Variants in ZNF248 observed in about 807,000 individuals in gnomAD.
ZNF248 encodes KRAB protein domain.
ZNF248 carries 20 observed loss-of-function variants against 44.3 expected under a neutral mutation model. That is an observed-to-expected ratio of 0.45 (90% confidence interval 0.32 to 0.66). The LOEUF is 0.66. ZNF248 is among the 30% of genes least tolerant of loss of function. ZNF248 has a pLI of 0.04. For synonymous variants in ZNF248, 224 were observed against 229.0 expected (o/e 0.98, Z 0.20); for missense variants, 654 against 677.0 (o/e 0.97, Z 0.38).
intron 3 of ZNF248, among the ~76,000 whole-genome samples, chr10:37,841,934 T>C (rs1170397888): frequency 6.6e-6 from 1 of 152,174 alleles, no homozygotes; most frequent in African/African-American, 2.4e-5. Flanking sequence ...TCTGAGAAAC[T>C]GTCACAGCTA....
In ZNF248 at chr10:37,832,495, T is replaced by G; in HGVS notation, c.860A>C (p.His287Pro). ...KSFCMNLRFG[H>P]QRALTKDNPY... ...ATTGTCCTTTGTAAGAGCTCTCTGA[T>G]GTCCAAACCTTAAATTCATGCAGAA... The change falls in exon 6 of 6, where the codon CAT becomes CCT. Residue 287 changes from histidine to proline, a missense_variant. His to Pro is a moderately conservative substitution (Grantham distance 77). Coordinates refer to ENST00000395867, the MANE Select transcript of ZNF248 (RefSeq NM_021045.3). 1 of 1,613,976 alleles carries G rather than the reference T, an allele frequency of 6.2e-7. No individual in the cohort carries two copies. Among genetic ancestry groups the G allele is most frequent in the African/African-American group, 1.3e-5 (1 of 75,058 alleles).
At chr10:37,771,665 T>C (rs529565247), downstream of ZNF248, among the ~76,000 whole-genome samples, 1 of 151,200 alleles carries the variant, frequency 6.6e-6, no homozygotes, top group African/African-American at 2.4e-5. Flanking sequence ...AGGAGATATA[T>C]CTAATGCTAA....
intron 1 of ZNF248, chr10:37,856,760 T>C (rs2061366468): frequency 1.1e-5 from 11 of 976,652 alleles, no homozygotes; most frequent in South Asian, 4.7e-5. Context: ...TTAAAAATGT[T>C]TGTTCTAACT....
chr10:37,850,645 A>G (rs150840417), intron 3 of ZNF248, among the ~76,000 whole-genome samples: 24 of 152,274 alleles, frequency 1.6e-4, no homozygotes, highest in African/African-American at 5.8e-4. Context: ...GCCTACACAA[A>G]TATACTTAAG....
At chr10:37,760,842 A>C in the ZNF248 span, among the ~76,000 whole-genome samples, 2 of 152,218 alleles carry the variant, frequency 1.3e-5, no homozygotes, top group African/African-American at 4.8e-5. Flanking sequence ...CTTGGGGGAA[A>C]AAAAAGTATT....
intron 6 of ZNF248, among the ~76,000 whole-genome samples, chr10:37,779,245 C>T (rs1226819648): frequency 1.3e-5 from 2 of 152,192 alleles, no homozygotes; most frequent in African/African-American, 4.8e-5. Flanking sequence ...CCTTGATGAA[C>T]ATTGATGCTA....
At position 37,832,078 on chromosome 10, in the gene ZNF248, T is replaced by C. The variant is rs1280281752; in HGVS notation, c.1277A>G (p.His426Arg). The change falls in exon 6 of 6, where the codon CAT (histidine) becomes CGT (arginine). Residue 426 changes from histidine (H) to arginine (R), a missense_variant. By Grantham distance (29) the His-to-Arg change is conservative. Transcript: ENST00000395867. ...AFCQKPHLTN[H>R]QRTHTGEKPY... ...TTTTTCTCCTGTATGTGTTCGCTGA[T>C]GGTTGGTCAGGTGTGGTTTCTGGCA... The C allele has an allele frequency of 3.7e-6, 6 of 1,613,920 alleles. No homozygotes were observed. Among genetic ancestry groups the C allele is most frequent in the Non-Finnish European group, 5.1e-6 (6 of 1,179,954 alleles).
Position 37,829,590 on chromosome 10 carries a change from T to C in ZNF248, c.*2025A>G. 1 of 985,350 alleles carries C rather than the reference T, an allele frequency of 1.0e-6. No individual in the cohort carries two copies. The highest frequency in any genetic ancestry group is 1.2e-6 in the Non-Finnish European group (1 of 829,912). 61.0% of individuals were successfully genotyped at this position (985,350 alleles called of 1,614,324 possible). ...AACAGTTATTGAGGGTTATAAAAAG[T>C]CCCAGTAGAGAACAGGTATAGAGAG... On this transcript the variant is annotated 3_prime_UTR_variant, in exon 6 of 6. Coordinates refer to ENST00000395867, the MANE Select transcript of ZNF248 (RefSeq NM_021045.3).
rs1589433359 is a variant in ZNF248 at position 37,819,950 on chromosome 10, T to C, written c.330+13075A>G. 7 of 768,302 alleles carry C rather than the reference T, an allele frequency of 9.1e-6. No individual in the cohort carries two copies. In the East Asian group the frequency reaches 1.2e-4, roughly 13 times the overall value. 47.6% of individuals were successfully genotyped at this position (768,302 alleles called of 1,614,324 possible). A position where few individuals can be genotyped will look rare whatever the true frequency, so the allele number is the denominator to read the frequency against. ...GTAAACGAGGCCCCATGTCGGACAG[T>C]AGTAAAGCGGCCCCATCTCAAGCGG... is the stretch of plus-strand genomic sequence containing the variant. On this transcript the variant is annotated intron_variant, in intron 6 of 6. Transcript: ENST00000615949.
intron 3 of ZNF248, among the ~76,000 whole-genome samples, chr10:37,842,676 T>A (rs1482069826): frequency 2.6e-5 from 4 of 152,074 alleles, no homozygotes; most frequent in African/African-American, 9.7e-5. Flanking sequence ...AGAAAAAAAA[T>A]AGTCCTTGCT....
chr10:37,840,074 A>C (rs1490241960), intron 3 of ZNF248, among the ~76,000 whole-genome samples: 1 of 152,230 alleles, frequency 6.6e-6, no homozygotes, highest in African/African-American at 2.4e-5. Flanking sequence ...CCATACAAAT[A>C]ACCTATAGAT....
At chr10:37,828,619 C>T, downstream of ZNF248, 5 of 934,942 alleles carry the variant, frequency 5.3e-6, no homozygotes, top group Non-Finnish European at 6.4e-6. Context: ...AAATGCCACC[C>T]CGTGATCACA....
chr10:37,855,972 G>A (rs1186945330), intron 3 of ZNF248, among the ~76,000 whole-genome samples: 1 of 152,170 alleles, frequency 6.6e-6, no homozygotes, highest in Non-Finnish European at 1.5e-5. Context: ...TTGTTCTCCT[G>A]AAAAGCATAT....
intron 6 of ZNF248, among the ~76,000 whole-genome samples, chr10:37,804,998 AC>A (rs1433840514): frequency 6.6e-6 from 1 of 152,026 alleles, no homozygotes; most frequent in African/African-American, 2.4e-5. Context: ...TCTGTGTTCC[AC>A]TCCTAAAAGA....
Position 37,843,842 on chromosome 10 carries a change from A to T in ZNF248, c.16-5731T>A, listed in dbSNP as rs775220360. On this transcript the variant is annotated intron_variant, in intron 3 of 5. Coordinates refer to ENST00000395867, the MANE Select transcript of ZNF248 (RefSeq NM_021045.3). ...AGAATCATGAATTGGAGAATATAAA[A>T]ATTGAAGTAATCTGGTATGAGGAGC... Among the ~76,000 whole-genome samples the T allele has an allele frequency of 6.6e-5, 10 of 152,308 alleles. No homozygotes were observed. In the South Asian group the frequency reaches 1.2e-3, roughly 19 times the overall value.
intron 6 of ZNF248, among the ~76,000 whole-genome samples, chr10:37,805,698 T>C (rs928166500): frequency 2.6e-5 from 4 of 152,184 alleles, no homozygotes; most frequent in African/African-American, 2.4e-5. Context: ...TCAATGTGCA[T>C]GATGGAGCCA....
intron 6 of ZNF248, among the ~76,000 whole-genome samples, chr10:37,786,731 AGG>A (rs1188639663): frequency 6.6e-6 from 1 of 152,178 alleles, no homozygotes; most frequent in African/African-American, 2.4e-5. Flanking sequence ...TTCATTTTGT[AGG>A]GTTAATAATT....
At chr10:37,760,844 A>T in the ZNF248 span, among the ~76,000 whole-genome samples, 1 of 152,226 alleles carries the variant, frequency 6.6e-6, no homozygotes, top group Non-Finnish European at 1.5e-5. Context: ...TGGGGGAAAA[A>T]AAAGTATTAT....
downstream of ZNF248, among the ~76,000 whole-genome samples, chr10:37,827,714 G>A (rs527946579): frequency 5.3e-5 from 8 of 152,244 alleles, no homozygotes; most frequent in Admixed American, 1.3e-4. Context: ...TATGATGAAA[G>A]GATCCAGGGC....
Sources: allele counts gnomAD v4.1 joint callset (sites outside exome capture counted in the v4.1 genomes callset), GRCh38; gene constraint gnomAD v4.1.1; transcripts MANE v1.5; gene names NCBI Gene and HGNC (gene_info 2026-07-23, HGNC 2026-07-21).